The following EFCAB8 variants were observed in gnomAD, a reference collection of about 807,000 sequenced individuals.
The protein encoded by EFCAB8 is EF-hand calcium-binding domain-containing protein 8.
EFCAB8 carries 100 observed loss-of-function variants against 116.3 expected under a neutral mutation model. That is an observed-to-expected ratio of 0.86 (90% CI 0.73 to 1.02). The LOEUF (loss-of-function observed/expected upper bound fraction) is 1.02. Among genes scored for constraint, EFCAB8 ranks in the 50% least tolerant of loss-of-function variants. The pLI is 0.00. For missense variants in EFCAB8, 1,320 were observed against 1,416.9 expected (o/e 0.93, Z 1.10); for synonymous variants, 558 against 567.9 (o/e 0.98, Z 0.25).
rs769223074 is a variant in EFCAB8 at position 32,892,234 on chromosome 20, A to C, written c.695A>C (p.His232Pro). The C allele has an allele frequency of 1.4e-5, 21 of 1,551,566 alleles. No homozygotes were observed. In the South Asian group the frequency reaches 2.4e-4, roughly 18 times the overall value. The change falls in exon 8 of 27, where the codon CAC becomes CCC. Residue 232 changes from histidine (H) to proline (P), a missense_variant. Transcript: ENST00000400522. ...QKIDFFDISD[H>P]KCVRAFTFVD... ...CCAGATTTCTTTGATATTAGTGACCACAAATGTGTCCGGGCCTTCACCTTT... is the reference window on the plus strand; with the variant it reads ...CCAGATTTCTTTGATATTAGTGACCCCAAATGTGTCCGGGCCTTCACCTTT...
Position 32,896,672 on chromosome 20 carries a change from G to A in EFCAB8, c.957+145G>A, listed in dbSNP as rs547582870. The A allele has an allele frequency of 1.6e-5, 10 of 620,028 alleles. No individual in the cohort carries two copies. In the Admixed American group the frequency reaches 2.2e-4, roughly 13 times the overall value. 38.4% of individuals were successfully genotyped at this position (620,028 alleles called of 1,614,324 possible). A position where few individuals can be genotyped will look rare whatever the true frequency, so the allele number is the denominator to read the frequency against. On this transcript the variant is annotated intron_variant, in intron 10 of 26. Transcript: ENST00000400522. ...TCTCTGGAAACAGGTTGCGGCAGCT[G>A]TTGGATCCCGTCAGCTCTATCTGCA...
intron 5 of EFCAB8, among the ~76,000 whole-genome samples, chr20:32,884,292 C>T (rs1404540517): frequency 6.6e-6 from 1 of 152,206 alleles, no homozygotes; most frequent in African/African-American, 2.4e-5. Context: ...GATCCCATCA[C>T]AGCCCTAGGA....
intron 3 of EFCAB8, among the ~76,000 whole-genome samples, chr20:32,873,479 G>T (rs748877206): frequency 6.6e-6 from 1 of 151,966 alleles, no homozygotes. Context: ...CAGCCAGCAC[G>T]TGGAGAATTT....
intron 22 of EFCAB8, among the ~76,000 whole-genome samples, chr20:32,935,971 C>T (rs1988106011): frequency 6.6e-6 from 1 of 151,938 alleles, no homozygotes; most frequent in South Asian, 2.1e-4. Flanking sequence ...TGTCCAAAAG[C>T]TTTGTATCTT....
At chr20:32,958,977 G>A (rs565544896) in intron 24 of EFCAB8, among the ~76,000 whole-genome samples, 4 of 152,300 alleles carry the variant, frequency 2.6e-5, no homozygotes, top group African/African-American at 9.6e-5. Context: ...TTTGCAGGGA[G>A]GAGCAGGCTG....
chr20:32,912,073 G>T lies in EFCAB8; in HGVS notation c.1785+366G>T, dbSNP rs375473577. The stretch of plus-strand genomic sequence containing the variant: ...TGATGGTATTATAGGGCCAGTCCAT[G>T]GGAGTGGCATAGGGCAAAGCCAGCA... On this transcript the variant is annotated intron_variant, in intron 16 of 26. Coordinates refer to ENST00000400522, the MANE Select transcript of EFCAB8 (RefSeq NM_001143967.2). Among the ~76,000 whole-genome samples, 19 of 152,150 alleles carry T rather than the reference G, an allele frequency of 1.2e-4. 1 individual carries two copies. Among genetic ancestry groups the T allele is most frequent in the Non-Finnish European group, 2.6e-4 (18 of 68,028 alleles).
intron 9 of EFCAB8, among the ~76,000 whole-genome samples, chr20:32,895,465 C>T (rs1180252275): frequency 6.6e-6 from 1 of 151,740 alleles, no homozygotes; most frequent in African/African-American, 2.4e-5. Context: ...GCTGGGACCA[C>T]AGGCACGCCA....
rs535584213 is a variant in EFCAB8 at position 32,882,901 on chromosome 20, T to C, written c.432-2604T>C. On this transcript the variant is annotated intron_variant, in intron 5 of 26. Coordinates refer to ENST00000400522, the MANE Select transcript of EFCAB8 (RefSeq NM_001143967.2). ...TAGTAGAGACGGGGTTTCACCATGTTAGCCAGGATAGTCTCAATCTCCTGA... is the reference window on the plus strand; with the variant it reads ...TAGTAGAGACGGGGTTTCACCATGTCAGCCAGGATAGTCTCAATCTCCTGA... Among the ~76,000 whole-genome samples the C allele has an allele frequency of 1.1e-4, 16 of 152,150 alleles. 1 individual carries two copies. The South Asian group carries it at 3.3e-3, about 32-fold the overall frequency.
Position 32,959,784 on chromosome 20 carries a change from G to C in EFCAB8, c.3096G>C (p.Gln1032His). ...AGGAAAGCCCCCACACTAGGGAGCA[G>C]CGGGATCTGGCTGAGGCCCTGATAT... ...QKVLHLELQE[Q>H]RDLAEALIYQ... The change falls in exon 25 of 27, where the codon CAG becomes CAC. Residue 1032 changes from glutamine to histidine, a missense_variant. Physicochemically the swap from Gln to His is conservative, Grantham distance 24. Transcript: ENST00000400522. 6.7e-7 allele frequency: 1 copy of C among 1,492,082 alleles called. No individual in the cohort carries two copies. Among genetic ancestry groups the C allele is most frequent in the Non-Finnish European group, 9.0e-7 (1 of 1,116,128 alleles). 92.4% of individuals were successfully genotyped at this position (1,492,082 alleles called of 1,614,324 possible). A position where few individuals can be genotyped will look rare whatever the true frequency, so the allele number is the denominator to read the frequency against.
chr20:32,878,687 GCTTT>G lies in EFCAB8; in HGVS notation c.328-11_328-8del. The G allele has an allele frequency of 6.5e-7, 1 of 1,548,824 alleles. No individual in the cohort carries two copies. The highest frequency in any genetic ancestry group is 8.7e-7 in the Non-Finnish European group (1 of 1,144,394). On this transcript the variant is annotated splice_polypyrimidine_tract_variant and intron_variant, in intron 4 of 26. Coordinates refer to ENST00000400522, the MANE Select transcript of EFCAB8 (RefSeq NM_001143967.2). Reference sequence around the variant, plus strand: ...TTTGCCAATACCCTGCCTCCCTTGTGCTTTCTTTCGAGGCAGCAAAAGTATGTGG... The same window carrying G: ...TTTGCCAATACCCTGCCTCCCTTGTGCTTTCGAGGCAGCAAAAGTATGTGG...
intron 11 of EFCAB8, among the ~76,000 whole-genome samples, chr20:32,899,730 A>G (rs1288673481): frequency 1.3e-5 from 2 of 151,592 alleles, no homozygotes; most frequent in Non-Finnish European, 2.9e-5. Context: ...ACGCACCACC[A>G]TGCTCGGCTA....
chr20:32,889,698 T>A (rs1985815607), intron 7 of EFCAB8, among the ~76,000 whole-genome samples: 1 of 152,124 alleles, frequency 6.6e-6, no homozygotes, highest in African/African-American at 2.4e-5. Flanking sequence ...CCCCCTTCAC[T>A]GTCACTTAAA....
At chr20:32,911,145 T>G (rs1477919982) in intron 15 of EFCAB8, among the ~76,000 whole-genome samples, 1 of 152,192 alleles carries the variant, frequency 6.6e-6, no homozygotes, top group Non-Finnish European at 1.5e-5. Context: ...GGCAGTTAGT[T>G]TATTTCTTAT....
Position 32,878,777 on chromosome 20 carries a change from A to G in EFCAB8, c.401A>G (p.His134Arg). Residue 134 changes from histidine to arginine, a missense_variant, in exon 5 of 27, where the codon CAC becomes CGC. His to Arg is a conservative substitution (Grantham distance 29). Transcript: ENST00000400522. ...EDMRKSQYRL[H>R]FYLPMTVVPL... is the part of the protein sequence containing the mutation. Reference sequence around the variant, plus strand: ...ATGCGAAAGAGCCAGTACCGCCTGCACTTCTACCTTCCCATGACGGTCGTC... The same window carrying G: ...ATGCGAAAGAGCCAGTACCGCCTGCGCTTCTACCTTCCCATGACGGTCGTC... 6.4e-7 allele frequency: 1 copy of G among 1,552,166 alleles called. No homozygotes were observed. The highest frequency in any genetic ancestry group is 2.4e-5 in the East Asian group (1 of 40,904).
chr20:32,914,553 G>C (rs6058955), intron 17 of EFCAB8, among the ~76,000 whole-genome samples: 101,650 of 152,146 alleles, frequency 0.67, 34,681 homozygotes, highest in Middle Eastern at 0.74. Context: ...ACTCACAGTT[G>C]TGCATGGCTA....
intron 22 of EFCAB8, among the ~76,000 whole-genome samples, chr20:32,937,358 A>C (rs1339788157): frequency 6.6e-6 from 1 of 152,226 alleles, no homozygotes; most frequent in Non-Finnish European, 1.5e-5. Context: ...TTATGGGGTT[A>C]TAATCACTTA....
intron 23 of EFCAB8, among the ~76,000 whole-genome samples, chr20:32,946,771 G>T (rs1252358003): frequency 6.6e-6 from 1 of 152,170 alleles, no homozygotes; most frequent in Non-Finnish European, 1.5e-5. Context: ...CCCAAAAAGT[G>T]ACCTCATGTC....
At chr20:32,957,743 A>T (rs750110037) in intron 23 of EFCAB8, among the ~76,000 whole-genome samples, 1 of 151,640 alleles carries the variant, frequency 6.6e-6, no homozygotes, top group Non-Finnish European at 1.5e-5. Flanking sequence ...GCCAAGTCTG[A>T]TTCTCATTCA....
intron 23 of EFCAB8, among the ~76,000 whole-genome samples, chr20:32,948,664 A>G (rs1334602751): frequency 2.6e-5 from 4 of 152,206 alleles, no homozygotes; most frequent in African/African-American, 9.6e-5. Flanking sequence ...TTTTGCAAAT[A>G]AAATCCAGCA....
Sources: gnomAD v4.1 joint callset for allele counts (sites outside exome capture counted in the v4.1 genomes callset) on GRCh38, gnomAD v4.1.1 for gene constraint, MANE v1.5 for transcripts, NCBI Gene and HGNC (gene_info 2026-07-23, HGNC 2026-07-21) for gene names.